The following OTOF variants were observed in gnomAD, a reference collection of about 807,000 sequenced individuals.
The protein encoded by OTOF is fer-1-like family member 2.
A neutral mutation model predicts 236.8 loss-of-function variants in OTOF; 218 were observed. The observed-to-expected ratio is 0.92, with a 90% CI of 0.82 to 1.03. The LOEUF (loss-of-function observed/expected upper bound fraction) is 1.03. Ranked by LOEUF, OTOF falls within the 50% of genes least tolerant of loss-of-function variation. The pLI is 0.00. For synonymous variants in OTOF, 1,041 were observed against 1,072.5 expected (o/e 0.97, Z 0.57); for missense variants, 2,590 against 2,694.4 (o/e 0.96, Z 0.86).
intron 6 of OTOF, among the ~76,000 whole-genome samples, chr2:26,503,499 A>C (rs962937804): frequency 3.3e-5 from 5 of 152,244 alleles, no homozygotes; most frequent in African/African-American, 1.2e-4. Flanking sequence ...GCTCTAATTA[A>C]AACACTGGGC....
chr2:26,538,343 G>T (rs938961132), intron 1 of OTOF, among the ~76,000 whole-genome samples: 3 of 152,256 alleles, frequency 2.0e-5, no homozygotes, highest in African/African-American at 7.2e-5. Flanking sequence ...CCACTGTCAT[G>T]GTTGTCCGTC....
chr2:26,512,244 G>A (rs564629267), intron 5 of OTOF, among the ~76,000 whole-genome samples: 11 of 152,306 alleles, frequency 7.2e-5, no homozygotes, highest in Non-Finnish European at 1.3e-4. Flanking sequence ...TGGGACTCAG[G>A]AGGAAAGGCT....
At chr2:26,522,024 G>A (rs1666689059) in intron 3 of OTOF, among the ~76,000 whole-genome samples, 2 of 152,202 alleles carry the variant, frequency 1.3e-5, no homozygotes, top group South Asian at 2.1e-4. Flanking sequence ...TTCAGGGGCA[G>A]GTCCAGGCAG....
In OTOF at chr2:26,473,671, G is replaced by T; in HGVS notation, c.3409-104C>A. On this transcript the variant is annotated intron_variant, in intron 27 of 46. Coordinates refer to ENST00000272371, the MANE Select transcript of OTOF (RefSeq NM_194248.3). This position sits in a 1 kb window ranked among gnomAD's most constrained non-coding sequence, Gnocchi z 7.2. ...CAATAGGGAACCGGGCAGTGGGATG[G>T]GCAGTAGTTCACCCCAGATTTCAAA... 1 of 1,197,610 alleles carries T rather than the reference G, an allele frequency of 8.3e-7. No homozygotes were observed. The highest frequency in any genetic ancestry group is 1.2e-6 in the Non-Finnish European group (1 of 856,228). 74.2% of individuals were successfully genotyped at this position (1,197,610 alleles called of 1,614,324 possible).
chr2:26,539,844 A>G (rs962829278), intron 1 of OTOF, among the ~76,000 whole-genome samples: 1 of 152,262 alleles, frequency 6.6e-6, no homozygotes, highest in Non-Finnish European at 1.5e-5. Context: ...CCTGGCTGAA[A>G]GACAAACAAA....
chr2:26,476,136 AC>A lies in OTOF; in HGVS notation c.2857del (p.Val953SerfsTer47). The A allele has an allele frequency of 6.2e-7, 1 of 1,611,282 alleles. No individual in the cohort carries two copies. On this transcript the variant is annotated frameshift_variant, in exon 23 of 47. Coordinates refer to ENST00000272371, the MANE Select transcript of OTOF (RefSeq NM_194248.3). LOFTEE classifies it high-confidence loss of function. Reference sequence around the variant, plus strand: ...GAGGGGTCCTCACTCACTGGTGTAGACCAGGCTGACGGGTGGGAAGGCATGC... The same window carrying A: ...GAGGGGTCCTCACTCACTGGTGTAGACAGGCTGACGGGTGGGAAGGCATGC... ...GLHAFPPVSL[V>X]YTKKQAFQLR...
At chr2:26,526,487 A>G (rs1236965294) in intron 3 of OTOF, among the ~76,000 whole-genome samples, 2 of 152,184 alleles carry the variant, frequency 1.3e-5, no homozygotes, top group African/African-American at 4.8e-5. Context: ...AACAGGAATG[A>G]TAGATGGATG....
chr2:26,525,001 T>G (rs890489812), intron 3 of OTOF, among the ~76,000 whole-genome samples: 2 of 152,206 alleles, frequency 1.3e-5, no homozygotes, highest in African/African-American at 4.8e-5. Flanking sequence ...GGTCTGTGTG[T>G]GAGCCTTCCA....
At position 26,470,814 on chromosome 2, in the gene OTOF, A is replaced by C; in HGVS notation, c.3895-93T>G. ...CCCATTCCGCCATCTGTCAGCAGGA[A>C]GCCTTGGGCTCCATGAGGCTCTGTG... On this transcript the variant is annotated intron_variant, in intron 31 of 46. Coordinates refer to ENST00000272371, the MANE Select transcript of OTOF (RefSeq NM_194248.3). The surrounding 1 kb of genome is among the most constrained non-coding windows in gnomAD (Gnocchi z 4.3). The C allele has an allele frequency of 6.4e-7, 1 of 1,557,272 alleles. No homozygotes were observed. Among genetic ancestry groups the C allele is most frequent in the Non-Finnish European group, 8.6e-7 (1 of 1,156,310 alleles).
intron 39 of OTOF, 63 bp downstream of exon 39, chr2:26,464,806 C>T: frequency 2.0e-6 from 3 of 1,496,298 alleles, no homozygotes; most frequent in Admixed American, 1.9e-5. Context: ...GAAGTGTGGG[C>T]CCCTCCTGGC....
intron 5 of OTOF, among the ~76,000 whole-genome samples, chr2:26,515,059 TG>T (rs1239350129): frequency 6.6e-5 from 10 of 152,242 alleles, no homozygotes; most frequent in Non-Finnish European, 1.5e-4. Context: ...AGCCTGGACA[TG>T]GGCAGCGCTC....
Position 26,467,407 on chromosome 2 carries a change from G to A in OTOF, c.4185C>T (p.Ser1395=), listed in dbSNP as rs148819838. ...TGGGTTTCTTCTTCTCGGGGGCCTC[G>A]GACCCCTGGCCAGAGCCAGAGCTCT... is the stretch of plus-strand genomic sequence containing the variant. The part of the protein sequence containing the change: ...KTQSSGSGQG[S]EAPEKKKPKI... The change falls in exon 34 of 47, where the codon TCC becomes TCT. Residue 1395 remains serine, a synonymous_variant. Transcript: ENST00000272371. The A allele has an allele frequency of 1.1e-4, 181 of 1,613,646 alleles. No individual in the cohort carries two copies. Among genetic ancestry groups the A allele is most frequent in the East Asian group, 2.9e-4 (13 of 44,856 alleles).
chr2:26,543,093 C>T (rs1363287184), intron 1 of OTOF, among the ~76,000 whole-genome samples: 1 of 152,204 alleles, frequency 6.6e-6, no homozygotes, highest in African/African-American at 2.4e-5. Flanking sequence ...CCACAAAGCT[C>T]CCATGTCCTG....
intron 2 of OTOF, among the ~76,000 whole-genome samples, chr2:26,530,737 C>G (rs189469187): frequency 2.5e-4 from 38 of 152,282 alleles, no homozygotes; most frequent in African/African-American, 8.7e-4. Context: ...CTCCCTTTGT[C>G]TCTGTCTCCC....
intron 26 of OTOF, 79 bp downstream of exon 26, chr2:26,474,434 A>G (rs1311179119): frequency 3.0e-6 from 3 of 997,854 alleles, no homozygotes; most frequent in East Asian, 3.7e-5. Flanking sequence ...CCCAGCCTTC[A>G]GGGTCCAGCC....
rs767943975 is a variant in OTOF, at chr2:26,473,152, G to A, written c.3713C>T (p.Ala1238Val). 4 of 1,612,456 alleles carry A rather than the reference G, an allele frequency of 2.5e-6. No individual in the cohort carries two copies. The highest frequency in any genetic ancestry group is 2.2e-5 in the East Asian group (1 of 44,878). Residue 1238 changes from alanine (A) to valine (V), a missense_variant, in exon 29 of 47, where the codon GCC becomes GTC. Physicochemically the swap from Ala to Val is moderately conservative, Grantham distance 64. Around this residue, in one of 2 missense-constraint regions of OTOF, gnomAD observed 1,211 missense variants for 1,352.8 expected, o/e 0.90. Transcript: ENST00000272371. The surrounding 1 kb of genome is among the most constrained non-coding windows in gnomAD (Gnocchi z 7.2). ...RFIYRPPDRS[A>V]PSWNTTVRLL... ...CATACCCGTGGTGTTCCAGCTGGGG[G>A]CCGAGCGGTCTGGGGGCCGGTAGAT...
At chr2:26,465,914 G>A (rs1664704308) in intron 37 of OTOF, 35 bp downstream of exon 37, 1 of 1,614,100 alleles carries the variant, frequency 6.2e-7, no homozygotes, top group African/African-American at 1.3e-5. Flanking sequence ...TGGAGAAGTA[G>A]GGGTGTGGCA....
Position 26,474,566 on chromosome 2 carries a change from A to G in OTOF, c.3235T>C (p.Tyr1079His). 6.2e-7 allele frequency: 1 copy of G among 1,613,136 alleles called. No individual in the cohort carries two copies. Among genetic ancestry groups the G allele is most frequent in the Non-Finnish European group, 8.5e-7 (1 of 1,179,982 alleles). The part of the protein sequence containing the change: ...FPPQLEYYQI[Y>H]RGNATAGDLL... ...TCTCCAGCTGTGGCGTTGCCACGGT[A>G]GATCTGGTAGTACTCGAGCTGAGGT... The change falls in exon 26 of 47, where the codon TAC (tyrosine) becomes CAC (histidine). Residue 1079 changes from tyrosine (Y) to histidine (H), a missense_variant. Transcript: ENST00000272371.
In OTOF at chr2:26,473,062, G is replaced by A. The variant is rs1256178819; in HGVS notation, c.3733+70C>T. On this transcript the variant is annotated intron_variant, in intron 29 of 46. Transcript: ENST00000272371. This position sits in a 1 kb window ranked among gnomAD's most constrained non-coding sequence, Gnocchi z 7.2. The stretch of plus-strand genomic sequence containing the variant: ...CAAACTCTGGTCGCGGCTTGGACTG[G>A]GCGGAGACCTGGAGCCCTTCCCTGG... 2 of 1,503,158 alleles carry A rather than the reference G, an allele frequency of 1.3e-6. No individual in the cohort carries two copies. Among genetic ancestry groups the A allele is most frequent in the East Asian group, 2.3e-5 (1 of 44,238 alleles). The allele number at this position is 1,503,158 out of a possible 1,614,324, so 93.1% of individuals were successfully genotyped here.
Sources: allele counts gnomAD v4.1 joint callset (sites outside exome capture counted in the v4.1 genomes callset), GRCh38; gene constraint gnomAD v4.1.1; regional missense constraint gnomAD v4.1.1; non-coding constraint Gnocchi (gnomAD v3.1); transcripts MANE v1.5; gene names NCBI Gene and HGNC (gene_info 2026-07-23, HGNC 2026-07-21).